Variants in TTLL5 observed in about 807,000 individuals in gnomAD.
TTLL5 encodes the protein tubulin tyrosine ligase like 5.
Under a neutral mutation model 168.4 loss-of-function variants are expected in TTLL5, and 132 were observed. The ratio of observed to expected loss-of-function variants is 0.78; its 90% CI spans 0.68 to 0.91. The LOEUF is 0.91. Among genes scored for constraint, TTLL5 ranks in the 40% least tolerant of loss-of-function variants. The probability of loss-of-function intolerance (pLI) is 0.00; values close to 1 mark genes in which losing one functional copy is unlikely to be tolerated. For missense variants in TTLL5, 1,545 were observed against 1,581.5 expected, an observed-to-expected ratio of 0.98 and a Z score of 0.39; for synonymous variants, 546 against 558.6, an observed-to-expected ratio of 0.98 and a Z score of 0.32.
At chr14:75,873,391 A>G (rs1270047588) in intron 29 of TTLL5, among the ~76,000 whole-genome samples, 1 of 152,184 alleles carries the variant, frequency 6.6e-6, no homozygotes, top group Non-Finnish European at 1.5e-5. Flanking sequence ...ACTTTTTTAT[A>G]TTGCATGACT....
intron 2 of TTLL5, 110 bp downstream of exon 2, chr14:75,663,333 T>A (rs1185898718): frequency 1.9e-6 from 2 of 1,049,858 alleles, no homozygotes; most frequent in African/African-American, 3.2e-5. Context: ...TACTCTTTTA[T>A]CTAGTGTCAT....
intron 28 of TTLL5, among the ~76,000 whole-genome samples, chr14:75,836,162 T>C (rs1217093300): frequency 6.6e-6 from 1 of 152,028 alleles, no homozygotes; most frequent in Non-Finnish European, 1.5e-5. Flanking sequence ...ATCAGATGAG[T>C]AGATGAAGAA....
chr14:75,908,788 A>T (rs1004139230), intron 31 of TTLL5, among the ~76,000 whole-genome samples: 1 of 151,804 alleles, frequency 6.6e-6, no homozygotes, highest in East Asian at 1.9e-4. Flanking sequence ...GTATATATAT[A>T]TTTTTTTAGA....
At chr14:75,929,398 T>C (rs2034196717) in intron 31 of TTLL5, among the ~76,000 whole-genome samples, 1 of 151,678 alleles carries the variant, frequency 6.6e-6, no homozygotes, top group Non-Finnish European at 1.5e-5. Flanking sequence ...CTTAGAGTTG[T>C]AATATATTAA....
chr14:75,701,705 C>T (rs1886288294), intron 7 of TTLL5, among the ~76,000 whole-genome samples: 1 of 152,170 alleles, frequency 6.6e-6, no homozygotes, highest in South Asian at 2.1e-4. Flanking sequence ...CACACGTCTC[C>T]TGGCCTCACT....
At position 75,920,749 on chromosome 14, in the gene TTLL5, T is replaced by A. The variant is rs185230196; in HGVS notation, c.3823+18525T>A. The stretch of plus-strand genomic sequence containing the variant: ...TTTATAGTAGCATGATTTATAATCC[T>A]TTGGGTATATACCCAGTAATGGGAT... On this transcript the variant is annotated intron_variant, in intron 31 of 31. Coordinates refer to ENST00000298832, the MANE Select transcript of TTLL5 (RefSeq NM_015072.5). Among the ~76,000 whole-genome samples, 4 of 152,370 alleles carry A rather than the reference T, an allele frequency of 2.6e-5. No individual in the cohort carries two copies. In the East Asian group the frequency reaches 7.7e-4, roughly 29 times the overall value.
intron 29 of TTLL5, among the ~76,000 whole-genome samples, chr14:75,871,914 A>G (rs1015421869): frequency 2.6e-5 from 4 of 152,256 alleles, no homozygotes; most frequent in Admixed American, 2.0e-4. Flanking sequence ...TATAACCTCA[A>G]AGTTGTAAAG....
intron 6 of TTLL5, among the ~76,000 whole-genome samples, chr14:75,697,002 T>C (rs191712979): frequency 5.9e-5 from 9 of 152,346 alleles, no homozygotes; most frequent in African/African-American, 1.9e-4. Flanking sequence ...AGTTTTTGTG[T>C]GTCCCACAAG....
At chr14:75,896,015 G>A (rs369146300) in intron 30 of TTLL5, among the ~76,000 whole-genome samples, 1 of 152,216 alleles carries the variant, frequency 6.6e-6, no homozygotes, top group South Asian at 2.1e-4. Flanking sequence ...CCAGAAATAC[G>A]GGGGAATAGA....
At chr14:75,797,746 G>T (rs554482282) in intron 27 of TTLL5, among the ~76,000 whole-genome samples, 5 of 152,036 alleles carry the variant, frequency 3.3e-5, no homozygotes, top group South Asian at 2.1e-4. Context: ...AACCATGCCC[G>T]CATCCCTGGT....
chr14:75,723,026 G>A (rs1887941542), intron 12 of TTLL5, among the ~76,000 whole-genome samples: 1 of 152,064 alleles, frequency 6.6e-6, no homozygotes, highest in African/African-American at 2.4e-5. Flanking sequence ...TATGTTGTCT[G>A]GTAGTCATGT....
chr14:75,878,027 G>A (rs899617070), intron 29 of TTLL5, among the ~76,000 whole-genome samples: 2 of 152,120 alleles, frequency 1.3e-5, no homozygotes, highest in Non-Finnish European at 2.9e-5. Flanking sequence ...AGTTTCAGAT[G>A]GCATGCAATT....
chr14:75,748,414 T>C (rs1889741192), intron 17 of TTLL5, among the ~76,000 whole-genome samples: 1 of 152,224 alleles, frequency 6.6e-6, no homozygotes, highest in African/African-American at 2.4e-5. Context: ...TGTGTTTATA[T>C]TGCTGTTAAT....
chr14:75,857,692 C>T (rs1048695227), intron 28 of TTLL5, among the ~76,000 whole-genome samples: 17 of 150,410 alleles, frequency 1.1e-4, no homozygotes, highest in African/African-American at 4.2e-4. Flanking sequence ...CACTCTGTCG[C>T]CCAGGCTGGA....
intron 27 of TTLL5, among the ~76,000 whole-genome samples, chr14:75,806,356 A>G (rs572669974): frequency 6.6e-6 from 1 of 152,060 alleles, no homozygotes; most frequent in Non-Finnish European, 1.5e-5. Flanking sequence ...CTAAATCACA[A>G]GTCTCATCAT....
intron 31 of TTLL5, among the ~76,000 whole-genome samples, chr14:75,931,871 CAG>C (rs1417957269): frequency 6.6e-6 from 1 of 152,186 alleles, no homozygotes; most frequent in Non-Finnish European, 1.5e-5. Context: ...TCCATTGTAA[CAG>C]AATTTGCTAC....
chr14:75,804,144 TTTTTGCTCTTCACA>T (rs757871756), intron 27 of TTLL5, among the ~76,000 whole-genome samples: 3 of 152,150 alleles, frequency 2.0e-5, no homozygotes, highest in Non-Finnish European at 2.9e-5. Flanking sequence ...GAGGAGATAC[TTTTTGCTCTTCACA>T]TTTTTCATTT....
At chr14:75,764,905 C>G (rs1890869571) in intron 19 of TTLL5, 133 bp downstream of exon 19, 1 of 1,029,950 alleles carries the variant, frequency 9.7e-7, no homozygotes, top group African/African-American at 1.6e-5. Flanking sequence ...AGTTTTTTCT[C>G]TGAAACTTAA....
At chr14:75,914,679 A>G (rs908227246) in intron 31 of TTLL5, among the ~76,000 whole-genome samples, 4 of 138,350 alleles carry the variant, frequency 2.9e-5, no homozygotes, top group Non-Finnish European at 4.5e-5. Context: ...GCTGGAATGC[A>G]ATGGCCCAAT....
Sources: allele counts gnomAD v4.1 joint callset (sites outside exome capture counted in the v4.1 genomes callset), GRCh38; gene constraint gnomAD v4.1.1; transcripts MANE v1.5; gene names NCBI Gene and HGNC (gene_info 2026-07-23, HGNC 2026-07-21).